ABCC1: variants seen among roughly 807,000 people sequenced by gnomAD.
ABCC1 encodes the protein multidrug resistance-associated protein 1.
A neutral mutation model predicts 172.9 loss-of-function variants in ABCC1; 83 were observed. That is an observed-to-expected ratio of 0.48 (90% CI 0.40 to 0.58). ABCC1 has a LOEUF of 0.58. Ranked by LOEUF, ABCC1 falls within the 20% of genes least tolerant of loss-of-function variation. The pLI, the probability that ABCC1 is intolerant of heterozygous loss-of-function variation, is 0.00. For missense variants in ABCC1, 1,817 were observed against 2,002.7 expected (o/e 0.91, Z 1.77); for synonymous variants, 937 against 825.2 (o/e 1.14, Z -2.32).
intron 1 of ABCC1, among the ~76,000 whole-genome samples, chr16:15,981,052 C>T (rs936384651): frequency 6.6e-6 from 1 of 152,234 alleles, no homozygotes; most frequent in African/African-American, 2.4e-5. Flanking sequence ...AAATGATCTC[C>T]TTTGACTCCA....
intron 21 of ABCC1, among the ~76,000 whole-genome samples, chr16:16,108,647 G>A (rs905124466): frequency 2.7e-5 from 4 of 149,262 alleles, no homozygotes; most frequent in African/African-American, 7.4e-5. Context: ...CCAGGATGGA[G>A]TGCAGTGGCA....
intron 24 of ABCC1, among the ~76,000 whole-genome samples, chr16:16,123,666 G>A (rs1347437100): frequency 6.6e-6 from 1 of 151,706 alleles, no homozygotes; most frequent in East Asian, 1.9e-4. Flanking sequence ...AAAATAAAAA[G>A]TAAAATAAAA....
intron 27 of ABCC1, among the ~76,000 whole-genome samples, chr16:16,132,235 G>C (rs1269233369): frequency 1.3e-5 from 2 of 152,080 alleles, no homozygotes; most frequent in Non-Finnish European, 2.9e-5. Flanking sequence ...TGTTACCCAG[G>C]CTAGAGTGCA....
intron 7 of ABCC1, among the ~76,000 whole-genome samples, chr16:16,044,166 T>C (rs968822933): frequency 1.3e-5 from 2 of 152,204 alleles, no homozygotes; most frequent in African/African-American, 4.8e-5. Context: ...GTCCTACTTT[T>C]ATCCTCATTT....
At chr16:16,132,080 A>G (rs1191913233) in intron 27 of ABCC1, 145 bp downstream of exon 27, 3 of 1,038,280 alleles carry the variant, frequency 2.9e-6, no homozygotes, top group Admixed American at 2.7e-5. Context: ...CTGGGAGTGG[A>G]CTGTGGCAGT....
chr16:16,118,914 G>A (rs1335746463), intron 23 of ABCC1, among the ~76,000 whole-genome samples: 1 of 146,150 alleles, frequency 6.8e-6, no homozygotes, highest in South Asian at 2.1e-4. Flanking sequence ...AAGAGCAAAG[G>A]CAGTGCTTAG....
chr16:16,006,895 T>C (rs1369818230), intron 1 of ABCC1, among the ~76,000 whole-genome samples: 4 of 143,718 alleles, frequency 2.8e-5, no homozygotes, highest in East Asian at 2.3e-4. Context: ...GTGGTGGTGA[T>C]GGTGGCGATG....
At chr16:16,037,724 G>A (rs563663794) in intron 7 of ABCC1, among the ~76,000 whole-genome samples, 30 of 152,302 alleles carry the variant, frequency 2.0e-4, no homozygotes, top group African/African-American at 6.0e-4. Flanking sequence ...AAAAACCCCA[G>A]ACCGGGGTTC....
At chr16:15,951,527 G>A (rs2045872665) in intron 1 of ABCC1, among the ~76,000 whole-genome samples, 1 of 152,060 alleles carries the variant, frequency 6.6e-6, no homozygotes, top group Non-Finnish European at 1.5e-5. Flanking sequence ...CCCCATCCCC[G>A]TGTTTGACCT....
intron 1 of ABCC1, among the ~76,000 whole-genome samples, chr16:15,997,445 C>A (rs2151662412): frequency 6.6e-6 from 1 of 152,334 alleles, no homozygotes; most frequent in African/African-American, 2.4e-5. Flanking sequence ...AAAGGGCAGG[C>A]CCTGGGCCAG....
intron 12 of ABCC1, among the ~76,000 whole-genome samples, chr16:16,061,049 G>T (rs559126399): frequency 1.3e-5 from 2 of 151,858 alleles, no homozygotes; most frequent in African/African-American, 4.8e-5. Flanking sequence ...CTCAGCGTCC[G>T]AGTAGCTGGG....
intron 13 of ABCC1, among the ~76,000 whole-genome samples, chr16:16,069,927 GAC>G (rs2050270756): frequency 6.6e-6 from 1 of 152,204 alleles, no homozygotes; most frequent in Non-Finnish European, 1.5e-5. Context: ...TGGAGGCTGA[GAC>G]ACGAGAATCG....
chr16:15,980,126 T>G (rs1302366459), intron 1 of ABCC1, among the ~76,000 whole-genome samples: 1 of 152,076 alleles, frequency 6.6e-6, no homozygotes, highest in African/African-American at 2.4e-5. Context: ...GGAGCAGGGG[T>G]TGGCATGCTT....
rs753999875 is a variant in ABCC1, at chr16:16,090,517, G to A, written c.2573G>A (p.Arg858Gln). Residue 858 changes from arginine (R) to glutamine (Q), a missense_variant, in exon 19 of 31, where the codon CGA becomes CAA. By Grantham distance (43) the Arg-to-Gln change is conservative. This residue lies in a region of ABCC1 where 1,412 missense variants were observed against 1,600.3 expected (regional missense o/e 0.88). Coordinates refer to ENST00000399410, the MANE Select transcript of ABCC1 (RefSeq NM_004996.4). ...GGCTCCTACCAGGAGCTGCTGGCTC[G>A]AGACGGCGCCTTCGCTGAGTTCCTG... ...EMGSYQELLA[R>Q]DGAFAEFLRT... is the part of the protein sequence containing the mutation. 9.3e-6 allele frequency: 15 copies of A among 1,613,812 alleles called. No homozygotes were observed. Among genetic ancestry groups the A allele is most frequent in the East Asian group, 6.7e-5 (3 of 44,866 alleles).
At chr16:15,960,980 T>C (rs904896486) in intron 1 of ABCC1, among the ~76,000 whole-genome samples, 2 of 151,006 alleles carry the variant, frequency 1.3e-5, no homozygotes, top group African/African-American at 2.4e-5. Flanking sequence ...CTGATCTGTT[T>C]ATGTTTGAAT....
intron 1 of ABCC1, among the ~76,000 whole-genome samples, chr16:15,992,897 C>G (rs749511860): frequency 6.6e-6 from 1 of 152,250 alleles, no homozygotes; most frequent in East Asian, 1.9e-4. Context: ...ATCCTCCCCC[C>G]ACCCCACCCC....
At position 16,061,171 on chromosome 16, in the gene ABCC1, C is replaced by T. The variant is rs531045509; in HGVS notation, c.1677+4876C>T. On this transcript the variant is annotated intron_variant, in intron 12 of 30. Transcript: ENST00000399410. ...AACTCCTGGCCTCTAGTGGTCCACC[C>T]ACCTCGGCCTCCTAAAGTGCTGGGA... Among the ~76,000 whole-genome samples, 9 of 152,274 alleles carry T rather than the reference C, an allele frequency of 5.9e-5. No homozygotes were observed. In the South Asian group the frequency reaches 1.7e-3, roughly 28 times the overall value.
intron 19 of ABCC1, among the ~76,000 whole-genome samples, chr16:16,098,487 C>T (rs752832452): frequency 6.6e-6 from 1 of 152,186 alleles, no homozygotes; most frequent in Non-Finnish European, 1.5e-5. Context: ...GGTGTGGTGG[C>T]GGGCACCTGT....
chr16:16,025,694 G>A (rs1031627862), intron 5 of ABCC1, among the ~76,000 whole-genome samples: 2 of 152,152 alleles, frequency 1.3e-5, no homozygotes, highest in Non-Finnish European at 2.9e-5. Flanking sequence ...TGGGGCTGCC[G>A]TACCTAATTG....
Sources: gnomAD v4.1 joint callset for allele counts (sites outside exome capture counted in the v4.1 genomes callset) on GRCh38, gnomAD v4.1.1 for gene constraint, gnomAD v4.1.1 regional missense constraint, MANE v1.5 for transcripts, NCBI Gene and HGNC (gene_info 2026-07-23, HGNC 2026-07-21) for gene names.